Variants in AGA observed in about 807,000 individuals in gnomAD.
AGA encodes the protein N(4)-(beta-N-acetylglucosaminyl)-L-asparaginase.
Under a neutral mutation model 40.1 loss-of-function variants are expected in AGA, and 31 were observed. The ratio of observed to expected loss-of-function variants is 0.77; its 90% CI spans 0.58 to 1.04. AGA has a LOEUF of 1.04. Among genes scored for constraint, AGA ranks in the 50% least tolerant of loss-of-function variants. The pLI, the probability that AGA is intolerant of heterozygous loss-of-function variation, is 0.00. For missense variants in AGA, 445 were observed against 435.4 expected (o/e 1.02, Z -0.20); for synonymous variants, 148 against 144.0 (o/e 1.03, Z -0.20).
chr4:177,442,317 A>G lies in AGA; in HGVS notation c.59T>C (p.Leu20Pro), dbSNP rs2111028252. 2 of 1,614,074 alleles carry G rather than the reference A, an allele frequency of 1.2e-6. No homozygotes were observed. Among genetic ancestry groups the G allele is most frequent in the East Asian group, 2.2e-5 (1 of 44,872 alleles). The stretch of plus-strand genomic sequence containing the variant: ...GGGCAGAGGGCTGGAGCAGCGCACT[A>G]GGGCCTGGCAGAGCAGAAACGGCAC... Reference protein sequence around the residue: ...LLVPFLLCQALVRCSSPLPLV... With the variant: ...LLVPFLLCQAPVRCSSPLPLV... Residue 20 changes from leucine (L) to proline (P), a missense_variant, in exon 1 of 9, where the codon CTA becomes CCA. Leu to Pro is a moderately conservative substitution (Grantham distance 98). Coordinates refer to ENST00000264595, the MANE Select transcript of AGA (RefSeq NM_000027.4).
At chr4:177,437,341 G>A (rs1421815369) in intron 5 of AGA, 64 bp downstream of exon 5, 1 of 1,117,844 alleles carries the variant, frequency 8.9e-7, no homozygotes, top group African/African-American at 1.5e-5. Flanking sequence ...GAAGAATAGG[G>A]AAGAGCTACA....
At position 177,438,806 on chromosome 4, in the gene AGA, G is replaced by C. The variant is rs2228119; in HGVS notation, c.446C>G (p.Thr149Ser). The C allele has an allele frequency of 0.99, 1,591,174 of 1,611,942 alleles. 787,480 individuals carry two copies. The highest frequency in any genetic ancestry group is 1 in the East Asian group (44,878 of 44,878). The change falls in exon 4 of 9, where the codon ACT (threonine) becomes AGT (serine). Residue 149 changes from threonine (T) to serine (S), a missense_variant. By Grantham distance (58) the Thr-to-Ser change is moderately conservative (BLOSUM62 1). Coordinates refer to ENST00000264595, the MANE Select transcript of AGA (RefSeq NM_000027.4). The stretch of plus-strand genomic sequence containing the variant: ...ATCTGAATGAAGAGCTTGAGAAGCA[G>C]TGGTAGATAAGTCTTCATTGATAAA... ...MGFINEDLST[T>S]ASQALHSDWL...
intron 4 of AGA, among the ~76,000 whole-genome samples, chr4:177,438,089 T>A (rs2111016922): frequency 6.6e-6 from 1 of 152,300 alleles, no homozygotes; most frequent in Non-Finnish European, 1.5e-5. Flanking sequence ...AAGAAACCTA[T>A]TCCTATTCCT....
intron 5 of AGA, among the ~76,000 whole-genome samples, 186 bp from the exon 6 acceptor site, chr4:177,436,537 T>G (rs1307068684): frequency 6.6e-6 from 1 of 152,128 alleles, no homozygotes; most frequent in Non-Finnish European, 1.5e-5. Flanking sequence ...CATTAGGTCA[T>G]GAGGACAGAG....
Position 177,442,320 on chromosome 4 carries a change from GC to G in AGA, c.55del (p.Ala19ProfsTer2), listed in dbSNP as rs754336186. 6 of 1,614,152 alleles carry G rather than the reference GC, an allele frequency of 3.7e-6. No homozygotes were observed. The South Asian group carries it at 5.5e-5, about 15-fold the overall frequency. On this transcript the variant is annotated frameshift_variant, in exon 1 of 9. Coordinates refer to ENST00000264595, the MANE Select transcript of AGA (RefSeq NM_000027.4). LOFTEE classifies it high-confidence loss of function. ...CAGAGGGCTGGAGCAGCGCACTAGG[GC>G]CTGGCAGAGCAGAAACGGCACGAGA... ...VLLVPFLLCQ[A>X]LVRCSSPLPL...
intron 6 of AGA, among the ~76,000 whole-genome samples, chr4:177,435,747 A>G (rs558141539): frequency 6.6e-6 from 1 of 151,704 alleles, no homozygotes; most frequent in South Asian, 2.1e-4. Flanking sequence ...GGAGCCCTGA[A>G]TACACACACA....
rs192826356 is a variant in AGA, at chr4:177,438,492, C to T, written c.507+253G>A. On this transcript the variant is annotated intron_variant, in intron 4 of 8. Coordinates refer to ENST00000264595, the MANE Select transcript of AGA (RefSeq NM_000027.4). ...GAGCAGCCCTGATTGAGGCAGCCAC[C>T]TCCACATGGCAGAAACTTCAGTTTG... Among the ~76,000 whole-genome samples, 5 of 152,296 alleles carry T rather than the reference C, an allele frequency of 3.3e-5. No individual in the cohort carries two copies. The East Asian group carries it at 9.7e-4, about 29-fold the overall frequency.
chr4:177,436,307 A>T lies in AGA; in HGVS notation c.667T>A (p.Ser223Thr), dbSNP rs1159814969. The T allele has an allele frequency of 6.2e-6, 10 of 1,613,534 alleles. No individual in the cohort carries two copies. In the East Asian group the frequency reaches 6.7e-5, roughly 11 times the overall value. The part of the protein sequence containing the change: ...HKTGHIAAGT[S>T]TNGIKFKIHG... ...ATTTTGAATTTTATACCATTTGTAG[A>T]TGTACCAGCAGCAATATGTCCTGTC... Residue 223 changes from serine (S) to threonine (T), a missense_variant, in exon 6 of 9, where the codon TCT (serine) becomes ACT (threonine). Physicochemically the swap from Ser to Thr is moderately conservative, Grantham distance 58. Coordinates refer to ENST00000264595, the MANE Select transcript of AGA (RefSeq NM_000027.4).
chr4:177,434,620 AAGAC>A (rs1262336567), intron 6 of AGA, 131 bp from the exon 7 acceptor site: 4 of 736,126 alleles, frequency 5.4e-6, no homozygotes, highest in South Asian at 3.3e-5. Flanking sequence ...CATCGGAACA[AAGAC>A]AGAACAGGTC....
At position 177,431,646 on chromosome 4, in the gene AGA, A is replaced by G; in HGVS notation, c.*62T>C. ...TGAGGAACACTAGATGATGAGAGTG[A>G]GCAGCCTTTTCAGCCTTTGTTTCTT... On this transcript the variant is annotated 3_prime_UTR_variant, in exon 9 of 9. Coordinates refer to ENST00000264595, the MANE Select transcript of AGA (RefSeq NM_000027.4). The G allele has an allele frequency of 7.4e-7, 1 of 1,355,888 alleles. No homozygotes were observed. The highest frequency in any genetic ancestry group is 1.2e-5 in the South Asian group (1 of 84,152). 84.0% of individuals were successfully genotyped at this position (1,355,888 alleles called of 1,614,324 possible).
chr4:177,437,498 T>C lies in AGA; in HGVS notation c.529A>G (p.Lys177Glu). 1 of 1,610,074 alleles carries C rather than the reference T, an allele frequency of 6.2e-7. No homozygotes were observed. Among genetic ancestry groups the C allele is most frequent in the African/African-American group, 1.3e-5 (1 of 74,942 alleles). ...YWRNVIPDPS[K>E]YCGPYKPPGI... ...GGTGGTTTGTAGGGTCCGCAGTATT[T>C]TGAGGGATCTGGTATAACATTCTGT... The change falls in exon 5 of 9, where the codon AAA (lysine) becomes GAA (glutamate). Residue 177 changes from lysine to glutamate, a missense_variant. Lys to Glu is a moderately conservative substitution (Grantham distance 56). Coordinates refer to ENST00000264595, the MANE Select transcript of AGA (RefSeq NM_000027.4).
intron 7 of AGA, 107 bp downstream of exon 7, chr4:177,434,275 T>C: frequency 9.8e-7 from 1 of 1,024,686 alleles, no homozygotes; most frequent in Non-Finnish European, 1.5e-6. Flanking sequence ...AATGCTAGGA[T>C]TACAGTCGTG....
chr4:177,442,412 C>T lies in AGA; in HGVS notation c.-37G>A. The T allele has an allele frequency of 1.2e-6, 2 of 1,613,454 alleles. No individual in the cohort carries two copies. Among genetic ancestry groups the T allele is most frequent in the Admixed American group, 1.7e-5 (1 of 59,994 alleles). ...GAAGAGACCAGCGCGAGAAAAGTCCCGGCAGCCAGCGATCGCCGAACAATT... is the reference window on the plus strand; with the variant it reads ...GAAGAGACCAGCGCGAGAAAAGTCCTGGCAGCCAGCGATCGCCGAACAATT... On this transcript the variant is annotated 5_prime_UTR_variant, in exon 1 of 9. Transcript: ENST00000264595.
In AGA at chr4:177,438,513, G is replaced by C. The variant is rs141972702; in HGVS notation, c.507+232C>G. On this transcript the variant is annotated intron_variant, in intron 4 of 8. Coordinates refer to ENST00000264595, the MANE Select transcript of AGA (RefSeq NM_000027.4). ...CCACCTCCACATGGCAGAAACTTCA[G>C]TTTGAAAACTATTGTGAGAGACCAG... Among the ~76,000 whole-genome samples the C allele has an allele frequency of 4.3e-3, 658 of 152,310 alleles. 5 individuals carry two copies. The highest frequency in any genetic ancestry group is 0.015 in the African/African-American group (627 of 41,558).
At chr4:177,439,824 C>T (rs916884443) in intron 2 of AGA, 136 bp from the exon 3 acceptor site, 13 of 758,126 alleles carry the variant, frequency 1.7e-5, no homozygotes, top group Middle Eastern at 2.3e-4. Flanking sequence ...AGCACATCCA[C>T]GAAGTTCATA....
chr4:177,433,180 G>T (rs1316846857), intron 8 of AGA, 34 bp downstream of exon 8: 1 of 1,613,628 alleles, frequency 6.2e-7, no homozygotes, highest in Non-Finnish European at 8.5e-7. Flanking sequence ...ATATTTGGAA[G>T]TTCACACAAA....
In AGA at chr4:177,437,343, A is replaced by G. The variant is rs1412880156; in HGVS notation, c.622+62T>C. 2.7e-6 allele frequency: 3 copies of G among 1,127,910 alleles called. No homozygotes were observed. In the East Asian group the frequency reaches 7.2e-5, roughly 27 times the overall value. 69.9% of individuals were successfully genotyped at this position (1,127,910 alleles called of 1,614,324 possible). Reference sequence around the variant, plus strand: ...TCAACTTCTGGTAGAAGAATAGGGAAGAGCTACAGGAAGATAATTAACTAA... The same window carrying G: ...TCAACTTCTGGTAGAAGAATAGGGAGGAGCTACAGGAAGATAATTAACTAA... On this transcript the variant is annotated intron_variant, in intron 5 of 8. Transcript: ENST00000264595.
intron 4 of AGA, 52 bp downstream of exon 4, chr4:177,438,693 G>A: frequency 8.2e-7 from 1 of 1,224,044 alleles, no homozygotes; most frequent in South Asian, 1.2e-5. Flanking sequence ...CAGAAAGGAT[G>A]TCACTGAATA....
rs1737058338 is a variant in AGA at position 177,442,273 on chromosome 4, G to A, written c.103C>T (p.Pro35Ser). ...CCTGCTTCGGTTGCATTCTTAAAGG[G>A]CCAAGTGTTGACGACCAGGGGCAGA... ...SPLPLVVNTW[P>S]FKNATEAAWR... The change falls in exon 1 of 9, where the codon CCC becomes TCC. Residue 35 changes from proline to serine, a missense_variant. Physicochemically the swap from Pro to Ser is moderately conservative, Grantham distance 74. Coordinates refer to ENST00000264595, the MANE Select transcript of AGA (RefSeq NM_000027.4). The A allele has an allele frequency of 2.5e-6, 4 of 1,613,838 alleles. No homozygotes were observed. In the African/African-American group the frequency reaches 4.0e-5, roughly 16 times the overall value.
Sources: gnomAD v4.1 joint callset for allele counts (sites outside exome capture counted in the v4.1 genomes callset) on GRCh38, gnomAD v4.1.1 for gene constraint, MANE v1.5 for transcripts, NCBI Gene and HGNC (gene_info 2026-07-23, HGNC 2026-07-21) for gene names.